Variants in AGFG1 observed in about 807,000 individuals in gnomAD.
AGFG1 encodes the protein arf-GAP domain and FG repeat-containing protein 1.
Under a neutral mutation model 60.6 loss-of-function variants are expected in AGFG1, and 10 were observed. The observed-to-expected ratio is 0.16, with a 90% confidence interval of 0.10 to 0.28. The LOEUF is 0.28. Ranked by LOEUF, AGFG1 falls within the 10% of genes least tolerant of loss-of-function variation. AGFG1 has a pLI of 1.00. For missense variants in AGFG1, 537 were observed against 676.5 expected, an observed-to-expected ratio of 0.79 and a Z score of 2.29; for synonymous variants, 247 against 242.9, an observed-to-expected ratio of 1.02 and a Z score of -0.16.
intron 1 of AGFG1, among the ~76,000 whole-genome samples, chr2:227,475,363 C>G (rs1381812867): frequency 6.6e-6 from 1 of 152,162 alleles, no homozygotes; most frequent in Non-Finnish European, 1.5e-5. Context: ...ATGTTCTAAC[C>G]TGACTTCATT....
At chr2:227,544,625 C>T (rs1191407930) in intron 10 of AGFG1, among the ~76,000 whole-genome samples, 1 of 152,154 alleles carries the variant, frequency 6.6e-6, no homozygotes, top group Non-Finnish European at 1.5e-5. Context: ...TTAGTACTTC[C>T]TTCAGGAGCT....
intron 5 of AGFG1, among the ~76,000 whole-genome samples, chr2:227,529,551 T>C (rs1217304855): frequency 6.6e-6 from 1 of 152,146 alleles, no homozygotes; most frequent in Non-Finnish European, 1.5e-5. Flanking sequence ...ATAGTATTTG[T>C]GGATGTGTGT....
chr2:227,507,179 A>T (rs1691340310), intron 2 of AGFG1, among the ~76,000 whole-genome samples: 2 of 152,162 alleles, frequency 1.3e-5, no homozygotes, highest in Admixed American at 6.5e-5. Context: ...GTTAAAAAAA[A>T]AAATTTAATA....
chr2:227,475,417 A>G (rs2106148620), intron 1 of AGFG1, among the ~76,000 whole-genome samples: 1 of 152,330 alleles, frequency 6.6e-6, no homozygotes, highest in Non-Finnish European at 1.5e-5. Context: ...TGAAATCTAG[A>G]ATTCTTGGGA....
chr2:227,529,554 A>G lies in AGFG1; in HGVS notation c.695-1537A>G, dbSNP rs562296355. Among the ~76,000 whole-genome samples the G allele has an allele frequency of 3.9e-5, 6 of 152,206 alleles. No individual in the cohort carries two copies. In the East Asian group the frequency reaches 9.6e-4, roughly 24 times the overall value. On this transcript the variant is annotated intron_variant, in intron 5 of 12. Coordinates refer to ENST00000310078, the MANE Select transcript of AGFG1 (RefSeq NM_004504.5). Reference sequence around the variant, plus strand: ...TCAGGCTGAGGTATAGTATTTGTGGATGTGTGTTGCTGGGTGGGGTCATTA... The same window carrying G: ...TCAGGCTGAGGTATAGTATTTGTGGGTGTGTGTTGCTGGGTGGGGTCATTA...
chr2:227,488,751 C>CA (rs1305475230), intron 1 of AGFG1, among the ~76,000 whole-genome samples: 1 of 152,200 alleles, frequency 6.6e-6, no homozygotes. Context: ...GAGTTGGAAA[C>CA]AAAGTGTTGT....
chr2:227,507,855 A>G (rs1691372970), intron 2 of AGFG1, among the ~76,000 whole-genome samples: 1 of 151,966 alleles, frequency 6.6e-6, no homozygotes, highest in Non-Finnish European at 1.5e-5. Flanking sequence ...ATTACTATGA[A>G]TTTATTTATT....
intron 10 of AGFG1, among the ~76,000 whole-genome samples, chr2:227,547,400 A>G (rs1015271517): frequency 1.3e-5 from 2 of 152,190 alleles, no homozygotes; most frequent in African/African-American, 4.8e-5. Context: ...ATAATCTACA[A>G]TTGGTATTTT....
chr2:227,489,751 A>G (rs959428334), intron 1 of AGFG1, among the ~76,000 whole-genome samples: 2 of 152,130 alleles, frequency 1.3e-5, no homozygotes, highest in Non-Finnish European at 2.9e-5. Context: ...TATCTGTGAC[A>G]AGGGGGAGGG....
At chr2:227,518,789 T>C (rs1370946500) in intron 2 of AGFG1, among the ~76,000 whole-genome samples, 1 of 152,086 alleles carries the variant, frequency 6.6e-6, no homozygotes, top group Non-Finnish European at 1.5e-5. Flanking sequence ...GGCCTCAGTG[T>C]CATTTTAATT....
chr2:227,497,150 A>C (rs1575074032), intron 2 of AGFG1, among the ~76,000 whole-genome samples: 1 of 150,926 alleles, frequency 6.6e-6, no homozygotes, highest in Non-Finnish European at 1.5e-5. Flanking sequence ...TCCTTGTTTG[A>C]AATTCACCCC....
At chr2:227,523,976 G>A (rs759968624) in intron 4 of AGFG1, 51 bp downstream of exon 4, 1 of 1,524,012 alleles carries the variant, frequency 6.6e-7, no homozygotes, top group Non-Finnish European at 9.0e-7. Context: ...GAGGGCTTGA[G>A]TATCAAGAAT....
At chr2:227,521,371 A>G (rs1279537516) in intron 3 of AGFG1, among the ~76,000 whole-genome samples, 2 of 152,180 alleles carry the variant, frequency 1.3e-5, no homozygotes, top group African/African-American at 4.8e-5. Flanking sequence ...CCGGCCTAAA[A>G]TAGACTACTT....
chr2:227,531,582 CCA>C (rs1692161123), intron 6 of AGFG1, among the ~76,000 whole-genome samples: 1 of 139,358 alleles, frequency 7.2e-6, no homozygotes, highest in South Asian at 2.5e-4. Context: ...GCACATGCCA[CCA>C]CTCCCAGCTA....
chr2:227,484,196 T>C (rs185549981), intron 1 of AGFG1, among the ~76,000 whole-genome samples: 10 of 152,292 alleles, frequency 6.6e-5, no homozygotes, highest in Admixed American at 2.6e-4. Flanking sequence ...AAGTGGTGTT[T>C]CTTTTTTTTT....
At chr2:227,501,961 C>T (rs1348509004) in intron 2 of AGFG1, among the ~76,000 whole-genome samples, 4 of 152,106 alleles carry the variant, frequency 2.6e-5, no homozygotes, top group African/African-American at 9.7e-5. Context: ...TGTGCTTAAG[C>T]AGTTCTCCCA....
chr2:227,554,456 A>G lies in AGFG1; in HGVS notation c.1650A>G (p.Gln550=), dbSNP rs562355210. 3.2e-5 allele frequency: 51 copies of G among 1,613,674 alleles called. No homozygotes were observed. In the East Asian group the frequency reaches 4.9e-4, roughly 16 times the overall value. The stretch of plus-strand genomic sequence containing the variant: ...TTTAGACTGGTGCACCAACAGGACA[A>G]TTTCCAACAGGAAGCTCATCAACCA... The part of the protein sequence containing the change: ...NPFMTGAPTG[Q]FPTGSSSTNP... Residue 550 remains glutamine (Q), a synonymous_variant, in exon 13 of 13, where the codon CAA becomes CAG. Coordinates refer to ENST00000310078, the MANE Select transcript of AGFG1 (RefSeq NM_004504.5).
chr2:227,553,142 G>A (rs1047785717), intron 11 of AGFG1, among the ~76,000 whole-genome samples: 6 of 151,934 alleles, frequency 3.9e-5, no homozygotes, highest in Admixed American at 6.6e-5. Context: ...TCACAAGCTC[G>A]TCTAGTAATG....
intron 2 of AGFG1, among the ~76,000 whole-genome samples, chr2:227,509,735 A>T (rs983662702): frequency 1.3e-5 from 2 of 152,054 alleles, no homozygotes; most frequent in African/African-American, 4.8e-5. Context: ...ACCAAGCAGA[A>T]CTAAATTGTA....
Sources: allele counts gnomAD v4.1 joint callset (sites outside exome capture counted in the v4.1 genomes callset), GRCh38; gene constraint gnomAD v4.1.1; transcripts MANE v1.5; gene names NCBI Gene and HGNC (gene_info 2026-07-23, HGNC 2026-07-21).